The following LPP variants were observed in gnomAD, a reference collection of about 807,000 sequenced individuals.
LPP encodes the protein lipoma-preferred partner.
In LPP, 38 loss-of-function variants were observed where a neutral mutation model predicts 60.4. The ratio of observed to expected loss-of-function variants is 0.63; its 90% CI spans 0.49 to 0.83. The LOEUF is 0.83. Ranked by LOEUF, LPP falls within the 40% of genes least tolerant of loss-of-function variation. The pLI is 0.00. For synonymous variants in LPP, 328 were observed against 290.8 expected (o/e 1.13, Z -1.30); for missense variants, 902 against 783.6 (o/e 1.15, Z -1.80).
chr3:188,442,039 G>A (rs1794112476), intron 4 of LPP, among the ~76,000 whole-genome samples: 1 of 152,182 alleles, frequency 6.6e-6, no homozygotes, highest in East Asian at 1.9e-4. Context: ...CTAGCCTAAT[G>A]GCTGGTGGGC....
At chr3:188,647,113 G>C (rs1851241467) in intron 7 of LPP, among the ~76,000 whole-genome samples, 1 of 152,156 alleles carries the variant, frequency 6.6e-6, no homozygotes, top group Admixed American at 6.5e-5. Context: ...CCCCTGTTTT[G>C]AACTGTTCAC....
At position 188,191,184 on chromosome 3, in the gene LPP, C is replaced by T. The variant is rs144318469; in HGVS notation, c.-189-34221C>T. Among the ~76,000 whole-genome samples, 475 of 152,284 alleles carry T rather than the reference C, an allele frequency of 3.1e-3. 3 individuals carry two copies. Among genetic ancestry groups the T allele is most frequent in the African/African-American group, 0.011 (457 of 41,556 alleles). ...GGCCAAGGTTGCAGTGAGCTGAGAT[C>T]GTGCCACTGCACTCTAGCCTGGGCG... On this transcript the variant is annotated intron_variant, in intron 1 of 11. Coordinates refer to ENST00000617246, the MANE Select transcript of LPP (RefSeq NM_001375462.1).
chr3:188,593,311 C>G (rs1316101589), intron 6 of LPP, among the ~76,000 whole-genome samples: 1 of 151,944 alleles, frequency 6.6e-6, no homozygotes, highest in Non-Finnish European at 1.5e-5. Context: ...CTTGCTCTCT[C>G]TCTCTCTTCT....
At chr3:188,821,219 C>T (rs932256056) in intron 9 of LPP, among the ~76,000 whole-genome samples, 2 of 150,764 alleles carry the variant, frequency 1.3e-5, no homozygotes, top group Non-Finnish European at 3.0e-5. Context: ...AAGTAATGCA[C>T]ATAGTTAAAA....
intron 9 of LPP, among the ~76,000 whole-genome samples, chr3:188,766,022 C>T (rs1041638185): frequency 6.6e-6 from 1 of 151,808 alleles, no homozygotes; most frequent in Admixed American, 6.6e-5. Context: ...AGGCGCCCAC[C>T]ACCACGCCCG....
At chr3:188,598,857 A>G (rs2151186675) in intron 6 of LPP, among the ~76,000 whole-genome samples, 1 of 152,264 alleles carries the variant, frequency 6.6e-6, no homozygotes, top group Admixed American at 6.5e-5. Context: ...ATAAAAACGC[A>G]CCTGTAATAT....
At chr3:188,185,411 T>C (rs1290737310) in intron 1 of LPP, among the ~76,000 whole-genome samples, 1 of 151,454 alleles carries the variant, frequency 6.6e-6, no homozygotes, top group East Asian at 1.9e-4. Flanking sequence ...AACTCTGTTT[T>C]CCCCCTATAT....
intron 6 of LPP, among the ~76,000 whole-genome samples, chr3:188,582,376 T>A (rs1255176638): frequency 1.3e-5 from 2 of 151,932 alleles, no homozygotes; most frequent in Non-Finnish European, 2.9e-5. Context: ...AGATGGGGTT[T>A]CACCACGTTG....
chr3:188,311,871 TCAGA>T (rs1224767876), intron 2 of LPP, among the ~76,000 whole-genome samples: 1 of 152,100 alleles, frequency 6.6e-6, no homozygotes, highest in East Asian at 1.9e-4. Context: ...ACTCCTGAGC[TCAGA>T]TGATTCTCCT....
intron 2 of LPP, among the ~76,000 whole-genome samples, chr3:188,257,489 CA>C (rs1407876631): frequency 1.3e-5 from 2 of 152,212 alleles, no homozygotes; most frequent in African/African-American, 4.8e-5. Context: ...CTGAAAGACA[CA>C]ACTGAGGGAA....
At chr3:188,708,595 C>G (rs568825045) in intron 8 of LPP, 438 of 663,156 alleles carry the variant, frequency 6.6e-4, no homozygotes, top group African/African-American at 6.0e-3. Flanking sequence ...TTAGCTTATA[C>G]TAAAATTTCA....
At chr3:188,173,841 C>T (rs1299021464) in intron 1 of LPP, among the ~76,000 whole-genome samples, 2 of 152,170 alleles carry the variant, frequency 1.3e-5, no homozygotes, top group African/African-American at 4.8e-5. Flanking sequence ...CTTCAAGATA[C>T]CTTGATCCTG....
intron 7 of LPP, among the ~76,000 whole-genome samples, chr3:188,673,272 C>T (rs1857317314): frequency 6.6e-6 from 1 of 151,870 alleles, no homozygotes; most frequent in Non-Finnish European, 1.5e-5. Flanking sequence ...GCCCTGTGAG[C>T]TTGGTCAATT....
chr3:188,207,171 A>T (rs1337696507), intron 1 of LPP, among the ~76,000 whole-genome samples: 3 of 145,560 alleles, frequency 2.1e-5, no homozygotes, highest in Non-Finnish European at 4.5e-5. Context: ...GTTTATTTCT[A>T]TCCATCTGCC....
intron 6 of LPP, among the ~76,000 whole-genome samples, chr3:188,527,386 T>C (rs1410296480): frequency 1.3e-5 from 2 of 149,382 alleles, no homozygotes; most frequent in African/African-American, 4.9e-5. Context: ...AATATAAGTC[T>C]GGTAGTTTCC....
At chr3:188,240,813 A>G (rs1230960284) in intron 2 of LPP, among the ~76,000 whole-genome samples, 7 of 152,264 alleles carry the variant, frequency 4.6e-5, no homozygotes, top group Non-Finnish European at 5.9e-5. Context: ...ACCTGAGCAG[A>G]CACACGAGCA....
chr3:188,484,667 C>T lies in LPP; in HGVS notation c.269C>T (p.Pro90Leu). ...CCATCTATCTCTGGAAACTTTCCTC[C>T]TCCACCACCTCTTGATGAAGAGGCT... The part of the protein sequence containing the change: ...ALPSISGNFP[P>L]PPPLDEEAFK... Residue 90 changes from proline (P) to leucine (L), a missense_variant, in exon 5 of 12, where the codon CCT (proline) becomes CTT (leucine). Coordinates refer to ENST00000617246, the MANE Select transcript of LPP (RefSeq NM_001375462.1). 6.2e-7 allele frequency: 1 copy of T among 1,613,708 alleles called. No individual in the cohort carries two copies. Among genetic ancestry groups the T allele is most frequent in the Non-Finnish European group, 8.5e-7 (1 of 1,179,696 alleles).
intron 5 of LPP, among the ~76,000 whole-genome samples, chr3:188,489,446 G>A (rs1312531305): frequency 2.6e-5 from 4 of 152,150 alleles, no homozygotes; most frequent in Non-Finnish European, 5.9e-5. Flanking sequence ...TCAGATAGGT[G>A]AGTGGATTTT....
intron 9 of LPP, among the ~76,000 whole-genome samples, chr3:188,795,413 G>A (rs1370528382): frequency 6.6e-6 from 1 of 152,188 alleles, no homozygotes; most frequent in Non-Finnish European, 1.5e-5. Flanking sequence ...ATTCCATCCA[G>A]TGGTTCCACC....
Sources: gnomAD v4.1 joint callset for allele counts (sites outside exome capture counted in the v4.1 genomes callset) on GRCh38, gnomAD v4.1.1 for gene constraint, MANE v1.5 for transcripts, NCBI Gene and HGNC (gene_info 2026-07-23, HGNC 2026-07-21) for gene names.